The following SNX29 variants were observed in gnomAD, a reference collection of about 807,000 sequenced individuals.
The protein encoded by SNX29 is sorting nexin 29.
In SNX29, 78 loss-of-function variants were observed where a neutral mutation model predicts 102.1. The ratio of observed to expected loss-of-function variants is 0.76; its 90% CI spans 0.64 to 0.92. The LOEUF is 0.92. SNX29 is among the 40% of genes least tolerant of loss of function. SNX29 has a pLI of 0.00. For synonymous variants in SNX29, 580 were observed against 414.5 expected (o/e 1.40, Z -4.85); for missense variants, 1,280 against 1,061.7 (o/e 1.21, Z -2.86).
intron 13 of SNX29, among the ~76,000 whole-genome samples, chr16:12,190,467 G>A (rs1369188744): frequency 2.0e-5 from 3 of 151,886 alleles, no homozygotes; most frequent in African/African-American, 7.3e-5. Context: ...GCAGAGGAGG[G>A]AGCTGTCACA....
chr16:12,063,120 G>A (rs1186141753), intron 9 of SNX29, among the ~76,000 whole-genome samples: 4 of 152,148 alleles, frequency 2.6e-5, no homozygotes, highest in Non-Finnish European at 4.4e-5. Context: ...TGAGAGTGGG[G>A]GGTGTGATTA....
At chr16:12,331,041 GT>G in intron 15 of SNX29, among the ~76,000 whole-genome samples, 1 of 152,346 alleles carries the variant, frequency 6.6e-6, no homozygotes, top group South Asian at 2.1e-4. Context: ...GCCAACTACA[GT>G]TCCTTGCTTC....
intron 19 of SNX29, among the ~76,000 whole-genome samples, chr16:12,504,124 CT>C (rs1486076358): frequency 7.2e-5 from 11 of 152,252 alleles, no homozygotes; most frequent in African/African-American, 2.6e-4. Context: ...TCTCCCTGTT[CT>C]GAACATTTCC....
chr16:12,316,582 G>T (rs536876568), intron 15 of SNX29, among the ~76,000 whole-genome samples: 1 of 152,194 alleles, frequency 6.6e-6, no homozygotes, highest in South Asian at 2.1e-4. Flanking sequence ...CCCAAATCGG[G>T]ATCTTGCTCT....
intron 9 of SNX29, among the ~76,000 whole-genome samples, chr16:12,064,197 C>T (rs1370761556): frequency 6.6e-6 from 1 of 152,090 alleles, no homozygotes; most frequent in Non-Finnish European, 1.5e-5. Context: ...GCCCCCTGAA[C>T]CATCAGACAT....
intron 20 of SNX29, among the ~76,000 whole-genome samples, chr16:12,554,678 C>G (rs370366872): frequency 1.3e-5 from 2 of 152,296 alleles, no homozygotes; most frequent in South Asian, 2.1e-4. Context: ...ACAGGGATGC[C>G]AATTCTCAGC....
chr16:12,202,328 A>G (rs1225929588), intron 14 of SNX29, among the ~76,000 whole-genome samples: 2 of 152,116 alleles, frequency 1.3e-5, no homozygotes, highest in African/African-American at 2.4e-5. Flanking sequence ...ATCTAATGGA[A>G]AGTTTTTTTT....
intron 1 of SNX29, chr16:11,977,873 A>G (rs562469156): frequency 6.6e-6 from 1 of 152,214 alleles, no homozygotes; most frequent in Admixed American, 6.5e-5. Flanking sequence ...TGGGATCTGG[A>G]TTTATTTAGG....
chr16:12,408,013 C>G (rs944693431), intron 18 of SNX29, among the ~76,000 whole-genome samples: 2 of 152,150 alleles, frequency 1.3e-5, no homozygotes, highest in Non-Finnish European at 2.9e-5. Context: ...TAAAAATTAA[C>G]TGGGCATGGT....
chr16:12,131,079 C>T (rs1346923628), intron 13 of SNX29, among the ~76,000 whole-genome samples: 7 of 152,334 alleles, frequency 4.6e-5, no homozygotes, highest in East Asian at 3.9e-4. Context: ...ACCATCAACT[C>T]GCCTGGCACG....
chr16:12,003,764 T>C (rs1398950947), intron 3 of SNX29, among the ~76,000 whole-genome samples: 2 of 152,226 alleles, frequency 1.3e-5, no homozygotes, highest in African/African-American at 2.4e-5. Context: ...CCCAGCACTT[T>C]GCAAGGCTGA....
chr16:12,079,191 A>T (rs950606593), intron 11 of SNX29, among the ~76,000 whole-genome samples: 1 of 152,240 alleles, frequency 6.6e-6, no homozygotes, highest in East Asian at 1.9e-4. Context: ...TGCCTCCCAT[A>T]ATGCAGTTAG....
intron 14 of SNX29, among the ~76,000 whole-genome samples, chr16:12,202,190 T>C (rs906874920): frequency 6.6e-6 from 1 of 152,228 alleles, no homozygotes; most frequent in Non-Finnish European, 1.5e-5. Context: ...AATGAACTTT[T>C]AGAATAAACA....
intron 13 of SNX29, among the ~76,000 whole-genome samples, chr16:12,135,939 G>T (rs971187800): frequency 6.6e-6 from 1 of 152,024 alleles, no homozygotes; most frequent in African/African-American, 2.4e-5. Context: ...TGTTCCTCGG[G>T]GGGAGCCCCT....
intron 20 of SNX29, among the ~76,000 whole-genome samples, chr16:12,541,582 G>C (rs1242221930): frequency 6.6e-6 from 1 of 152,124 alleles, no homozygotes. Context: ...CTCCATGCCA[G>C]ACCTCAACCC....
chr16:12,022,347 C>G (rs907954528), intron 3 of SNX29, among the ~76,000 whole-genome samples: 4 of 151,782 alleles, frequency 2.6e-5, no homozygotes, highest in Admixed American at 6.6e-5. Context: ...ATTACAGGAG[C>G]CTGCCACCAC....
At chr16:12,299,840 A>G (rs1426226248) in intron 15 of SNX29, among the ~76,000 whole-genome samples, 2 of 146,144 alleles carry the variant, frequency 1.4e-5, no homozygotes, top group Non-Finnish European at 3.0e-5. Context: ...TTTTTCTTAC[A>G]CTAGAAATCT....
chr16:12,100,700 C>G (rs1367786728), intron 11 of SNX29, among the ~76,000 whole-genome samples: 1 of 85,230 alleles, frequency 1.2e-5, no homozygotes, highest in Admixed American at 1.7e-4. Context: ...CTGGGTGTGG[C>G]TGGGGCAGGA....
At chr16:12,221,618 G>A (rs1019878752) in intron 14 of SNX29, among the ~76,000 whole-genome samples, 12 of 151,912 alleles carry the variant, frequency 7.9e-5, no homozygotes, top group African/African-American at 2.4e-4. Context: ...TCTCAAAAAT[G>A]AACAAACAAA....
Sources: allele counts gnomAD v4.1 joint callset (sites outside exome capture counted in the v4.1 genomes callset), GRCh38; gene constraint gnomAD v4.1.1; transcripts MANE v1.5; gene names NCBI Gene and HGNC (gene_info 2026-07-23, HGNC 2026-07-21).